CNTNAP2: variants seen among roughly 807,000 people sequenced by gnomAD.
CNTNAP2 encodes the protein contactin associated protein 2.
In CNTNAP2, 98 loss-of-function variants were observed where a neutral mutation model predicts 155.2. The ratio of observed to expected loss-of-function variants is 0.63; its 90% confidence interval spans 0.54 to 0.75. CNTNAP2 has a LOEUF of 0.75. Among genes scored for constraint, CNTNAP2 ranks in the 30% least tolerant of loss-of-function variants. The pLI is 0.00. For missense variants in CNTNAP2, 1,727 were observed against 1,688.1 expected, an observed-to-expected ratio of 1.02 and a Z score of -0.40; for synonymous variants, 651 against 631.2, an observed-to-expected ratio of 1.03 and a Z score of -0.47.
intron 21 of CNTNAP2, among the ~76,000 whole-genome samples, chr7:148,383,144 T>G (rs557855280): frequency 2.0e-5 from 3 of 152,010 alleles, no homozygotes; most frequent in Admixed American, 2.0e-4. Context: ...GATTGGATTT[T>G]GAAGAAAGGA....
rs757037582 is a variant in CNTNAP2 at position 147,190,023 on chromosome 7, T to C, written c.1348+57514T>C. Among the ~76,000 whole-genome samples, 17 of 152,246 alleles carry C rather than the reference T, an allele frequency of 1.1e-4. No homozygotes were observed. The East Asian group carries it at 1.2e-3, about 10-fold the overall frequency. ...CCTCCCAAAGAGCTAGGATTACAGG[T>C]GTGAGCCACCGTGCCCACCCTTAAC... is the stretch of plus-strand genomic sequence containing the variant. On this transcript the variant is annotated intron_variant, in intron 8 of 23. Transcript: ENST00000361727.
intron 15 of CNTNAP2, among the ~76,000 whole-genome samples, chr7:148,009,957 A>G (rs1802047509): frequency 6.6e-6 from 1 of 152,082 alleles, no homozygotes; most frequent in Non-Finnish European, 1.5e-5. Flanking sequence ...TCTCTAAGGT[A>G]ACTATATCTA....
At chr7:146,876,956 A>C (rs565176117) in intron 3 of CNTNAP2, among the ~76,000 whole-genome samples, 2 of 152,228 alleles carry the variant, frequency 1.3e-5, no homozygotes, top group South Asian at 4.1e-4. Flanking sequence ...TTCACTATTT[A>C]GGTTATTGGT....
intron 1 of CNTNAP2, among the ~76,000 whole-genome samples, chr7:146,404,310 G>T (rs1249803723): frequency 1.3e-5 from 2 of 152,144 alleles, no homozygotes; most frequent in African/African-American, 2.4e-5. Flanking sequence ...GCCAGTAGCA[G>T]ATGGGCACAT....
chr7:146,662,200 C>T (rs185977850), intron 1 of CNTNAP2, among the ~76,000 whole-genome samples: 1 of 151,844 alleles, frequency 6.6e-6, no homozygotes, highest in African/African-American at 2.4e-5. Flanking sequence ...TGCAATGGCA[C>T]GACCTGGGCT....
chr7:148,104,479 C>T (rs1159058028), intron 15 of CNTNAP2, among the ~76,000 whole-genome samples: 1 of 152,130 alleles, frequency 6.6e-6, no homozygotes, highest in African/African-American at 2.4e-5. Flanking sequence ...TAAAGGCTGC[C>T]TGGCATTACA....
chr7:147,939,813 C>G (rs1279984272), intron 14 of CNTNAP2, among the ~76,000 whole-genome samples: 1 of 151,966 alleles, frequency 6.6e-6, no homozygotes, highest in Non-Finnish European at 1.5e-5. Flanking sequence ...CACACACACA[C>G]CCCCCAGCAG....
chr7:147,088,714 G>A (rs1470238010), intron 4 of CNTNAP2, among the ~76,000 whole-genome samples: 1 of 152,116 alleles, frequency 6.6e-6, no homozygotes, highest in African/African-American at 2.4e-5. Context: ...GAAGGCCAAG[G>A]CAGGAAAATG....
chr7:148,327,605 TCCAGACA>T (rs1013786657), intron 21 of CNTNAP2, among the ~76,000 whole-genome samples: 1 of 152,042 alleles, frequency 6.6e-6, no homozygotes, highest in Non-Finnish European at 1.5e-5. Context: ...AACTTCAAAT[TCCAGACA>T]CCTGAGTCAC....
chr7:146,130,634 C>A (rs1430305409), intron 1 of CNTNAP2, among the ~76,000 whole-genome samples: 1 of 152,102 alleles, frequency 6.6e-6, no homozygotes, highest in Non-Finnish European at 1.5e-5. Context: ...TTCTAAATAA[C>A]CTTTATTTCA....
rs116762195 is a variant in CNTNAP2, at chr7:147,258,010, G to A, written c.1349-42131G>A. ...AGTTCAACATCTTAGTGTTTAGATG[G>A]GTGACATACAAGGATGATGATGGTT... On this transcript the variant is annotated intron_variant, in intron 8 of 23. Transcript: ENST00000361727. Among the ~76,000 whole-genome samples, 472 of 152,150 alleles carry A rather than the reference G, an allele frequency of 3.1e-3. 5 individuals carry two copies. The highest frequency in any genetic ancestry group is 0.01 in the African/African-American group (421 of 41,498).
chr7:147,833,615 C>G (rs1007573777), intron 13 of CNTNAP2, among the ~76,000 whole-genome samples: 4 of 152,186 alleles, frequency 2.6e-5, no homozygotes, highest in Non-Finnish European at 5.9e-5. Context: ...AACTTCCCCA[C>G]AGGTCACAGC....
At position 146,988,081 on chromosome 7, in the gene CNTNAP2, T is replaced by C. The variant is rs559751238; in HGVS notation, c.403-55826T>C. On this transcript the variant is annotated intron_variant, in intron 3 of 23. Transcript: ENST00000361727. The stretch of plus-strand genomic sequence containing the variant: ...ATGATTTAGTTTTTAGTTCAATTAA[T>C]ATTTTAGCAAATGAGTAAGTTAATG... Among the ~76,000 whole-genome samples, 3 of 152,170 alleles carry C rather than the reference T, an allele frequency of 2.0e-5. No individual in the cohort carries two copies. In the South Asian group the frequency reaches 6.2e-4, roughly 31 times the overall value.
intron 1 of CNTNAP2, among the ~76,000 whole-genome samples, chr7:146,442,693 T>G (rs1375343350): frequency 6.6e-6 from 1 of 152,108 alleles, no homozygotes; most frequent in African/African-American, 2.4e-5. Flanking sequence ...CCTGCTCACT[T>G]GACATTTTTG....
intron 13 of CNTNAP2, among the ~76,000 whole-genome samples, chr7:147,653,149 AATTGTAT>A (rs752420954): frequency 6.6e-6 from 1 of 152,210 alleles, no homozygotes; most frequent in Non-Finnish European, 1.5e-5. Flanking sequence ...AGAACATATG[AATTGTAT>A]ATTGATTAAA....
chr7:147,347,077 C>G (rs1012061702), intron 9 of CNTNAP2, among the ~76,000 whole-genome samples: 2 of 152,096 alleles, frequency 1.3e-5, no homozygotes, highest in African/African-American at 4.8e-5. Flanking sequence ...GATATAATTA[C>G]AGAGGCAAGG....
rs566212742 is a variant in CNTNAP2, at chr7:148,365,805, T to C, written c.3476-17844T>C. On this transcript the variant is annotated intron_variant, in intron 21 of 23. Coordinates refer to ENST00000361727, the MANE Select transcript of CNTNAP2 (RefSeq NM_014141.6). ...GTGTATGCATGTATACATGCATGTG[T>C]ATGCATGTATACATGCATGTGTATG... Among the ~76,000 whole-genome samples, 64 of 105,172 alleles carry C rather than the reference T, an allele frequency of 6.1e-4. 9 individuals are homozygous for C. The highest frequency in any genetic ancestry group is 3.2e-3 in the African/African-American group (63 of 19,824). 69.0% of individuals were successfully genotyped at this position (105,172 alleles called of 152,430 possible). A position where few individuals can be genotyped will look rare whatever the true frequency, so the allele number is the denominator to read the frequency against.
chr7:147,933,351 C>A (rs922596502), intron 14 of CNTNAP2, among the ~76,000 whole-genome samples: 2 of 152,034 alleles, frequency 1.3e-5, no homozygotes, highest in South Asian at 4.1e-4. Flanking sequence ...AAATTAGAAT[C>A]TTAAAGAGAT....
At chr7:146,780,993 C>T (rs1225222111) in intron 2 of CNTNAP2, among the ~76,000 whole-genome samples, 1 of 151,984 alleles carries the variant, frequency 6.6e-6, no homozygotes, top group East Asian at 1.9e-4. Context: ...CTTTGGGAGG[C>T]CGAGGCAGGT....
Sources: allele counts gnomAD v4.1 joint callset (sites outside exome capture counted in the v4.1 genomes callset), GRCh38; gene constraint gnomAD v4.1.1; transcripts MANE v1.5; gene names NCBI Gene and HGNC (gene_info 2026-07-23, HGNC 2026-07-21).